Variants in HLF observed in about 807,000 individuals in gnomAD.
HLF encodes hepatic leukemia factor.
A neutral mutation model predicts 22.6 loss-of-function variants in HLF; 3 were observed. The ratio of observed to expected loss-of-function variants is 0.13; its 90% CI spans 0.06 to 0.34. The LOEUF (loss-of-function observed/expected upper bound fraction) is 0.34. Among genes scored for constraint, HLF ranks in the 10% least tolerant of loss-of-function variants. HLF has a pLI of 1.00. For synonymous variants in HLF, 151 were observed against 151.8 expected (o/e 0.99, Z 0.04); for missense variants, 299 against 389.2 (o/e 0.77, Z 1.95).
intron 2 of HLF, among the ~76,000 whole-genome samples, chr17:55,286,268 T>C (rs1007824253): frequency 2.0e-5 from 3 of 152,162 alleles, no homozygotes; most frequent in Non-Finnish European, 2.9e-5. Flanking sequence ...TTTCCCTGAC[T>C]TGTCTATTTT....
intron 2 of HLF, among the ~76,000 whole-genome samples, chr17:55,313,961 T>G (rs1904958861): frequency 6.6e-6 from 1 of 152,196 alleles, no homozygotes; most frequent in South Asian, 2.1e-4. Context: ...AGCCAGTGGC[T>G]TCATGCTTCG....
intron 2 of HLF, among the ~76,000 whole-genome samples, chr17:55,278,805 G>C (rs947411960): frequency 6.6e-6 from 1 of 152,156 alleles, no homozygotes; most frequent in Non-Finnish European, 1.5e-5. Context: ...GACCATGCAG[G>C]CTTTTACTAG....
chr17:55,294,665 G>A (rs1180119027), intron 2 of HLF, among the ~76,000 whole-genome samples: 2 of 152,170 alleles, frequency 1.3e-5, no homozygotes, highest in Non-Finnish European at 2.9e-5. Flanking sequence ...CCAGATGTCA[G>A]GCCGCCTTGT....
At chr17:55,299,009 C>T (rs1335632581) in intron 2 of HLF, among the ~76,000 whole-genome samples, 1 of 152,226 alleles carries the variant, frequency 6.6e-6, no homozygotes, top group Non-Finnish European at 1.5e-5. Context: ...TCTAGTTCTT[C>T]CCATGATACC....
rs202178345 is a variant in HLF, at chr17:55,320,765, G to C, written c.774G>C (p.Ser258=). 3.1e-6 allele frequency: 5 copies of C among 1,613,866 alleles called. No homozygotes were observed. The South Asian group carries it at 4.4e-5, about 14-fold the overall frequency. ...AGAACCAGATCGCCATCCGGGCCTC[G>C]TTCCTGGAGAAGGAGAACTCGGCCC... is the stretch of plus-strand genomic sequence containing the variant. ...LKENQIAIRA[S]FLEKENSALR... Residue 258 remains serine, a synonymous_variant, in exon 4 of 4, where the codon TCG becomes TCC. Transcript: ENST00000226067. The surrounding 1 kb of genome is among the most constrained non-coding windows in gnomAD (Gnocchi z 4.2).
At position 55,275,390 on chromosome 17, in the gene HLF, C is replaced by T. The variant is rs189507940; in HGVS notation, c.451+7304C>T. Among the ~76,000 whole-genome samples, 6 of 152,320 alleles carry T rather than the reference C, an allele frequency of 3.9e-5. No homozygotes were observed. In the East Asian group the frequency reaches 9.7e-4, roughly 25 times the overall value. ...GGATTACAGGTGGAAACCACTGTGCCCTGCCCAAAGAAGTTCTTGATTAGA... is the reference window on the plus strand; with the variant it reads ...GGATTACAGGTGGAAACCACTGTGCTCTGCCCAAAGAAGTTCTTGATTAGA... On this transcript the variant is annotated intron_variant, in intron 2 of 3. Transcript: ENST00000226067.
At chr17:55,307,563 C>A (rs1423776954) in intron 2 of HLF, among the ~76,000 whole-genome samples, 1 of 151,922 alleles carries the variant, frequency 6.6e-6, no homozygotes, top group Non-Finnish European at 1.5e-5. Flanking sequence ...AGTGAAGATC[C>A]TCATTATAGA....
rs1905211892 is a variant in HLF at position 55,320,068 on chromosome 17, G to A, written c.673-596G>A. 6.6e-6 allele frequency among the ~76,000 whole-genome samples: 1 copy of A among 152,174 alleles called. No homozygotes were observed. The highest frequency in any genetic ancestry group is 1.5e-5 in the Non-Finnish European group (1 of 68,046). Reference sequence around the variant, plus strand: ...TGTATGACTGTATCATAACGTGGTTGTTAAATCTCCTATGCATAGTTTTTC... The same window carrying A: ...TGTATGACTGTATCATAACGTGGTTATTAAATCTCCTATGCATAGTTTTTC... On this transcript the variant is annotated intron_variant, in intron 3 of 3. Transcript: ENST00000226067. This position sits in a 1 kb window ranked among gnomAD's most constrained non-coding sequence, Gnocchi z 4.2.
Position 55,320,871 on chromosome 17 carries a change from C to G in HLF, c.880C>G (p.Pro294Ala). Residue 294 changes from proline to alanine, a missense_variant, in exon 4 of 4, where the codon CCC becomes GCC. By Grantham distance (27) the Pro-to-Ala change is conservative. Around this residue, in one of 3 missense-constraint regions of HLF, gnomAD observed 224 missense variants for 298.1 expected, o/e 0.75. Transcript: ENST00000226067. The surrounding 1 kb of genome is among the most constrained non-coding windows in gnomAD (Gnocchi z 4.2). ...ILAKYEARHG[P>A]L ...TGCCAAGTATGAGGCCAGGCACGGG[C>G]CCCTGTAGGATGGCATTTTTGCAGG... 6.2e-7 allele frequency: 1 copy of G among 1,610,638 alleles called. No homozygotes were observed. Among genetic ancestry groups the G allele is most frequent in the Non-Finnish European group, 8.5e-7 (1 of 1,178,852 alleles).
intron 2 of HLF, among the ~76,000 whole-genome samples, chr17:55,301,457 T>C (rs1214832534): frequency 6.6e-6 from 1 of 152,236 alleles, no homozygotes; most frequent in Non-Finnish European, 1.5e-5. Context: ...ATAGAGTTAC[T>C]TAATCTGATA....
chr17:55,288,790 A>G, intron 2 of HLF: 3 of 336,504 alleles, frequency 8.9e-6, no homozygotes, highest in Non-Finnish European at 1.3e-5. Flanking sequence ...AAAAATATTC[A>G]AGAATGAAGA....
chr17:55,293,300 A>T (rs576302115), intron 2 of HLF, among the ~76,000 whole-genome samples: 58 of 152,250 alleles, frequency 3.8e-4, no homozygotes, highest in Admixed American at 1.5e-3. Context: ...GTTATAGGGG[A>T]TGCCGGTGGA....
chr17:55,271,618 C>G (rs2080859393), intron 2 of HLF: 2 of 152,228 alleles, frequency 1.3e-5, no homozygotes, highest in Non-Finnish European at 2.9e-5. Flanking sequence ...CAACCTCCAC[C>G]TCCGGGGTCC....
intron 1 of HLF, 53 bp from the exon 2 acceptor site, chr17:55,267,698 T>A: frequency 7.9e-7 from 1 of 1,267,420 alleles, no homozygotes; most frequent in Non-Finnish European, 1.1e-6. Context: ...AAGAGCGGTA[T>A]TGTTTTTCTT....
chr17:55,271,661 C>T (rs1037888159), intron 2 of HLF: 2 of 152,242 alleles, frequency 1.3e-5, no homozygotes, highest in African/African-American at 2.4e-5. Flanking sequence ...TCTCTAGTAG[C>T]TGGGATTACA....
Position 55,265,545 on chromosome 17 carries a change from G to A in HLF, c.61G>A (p.Val21Met). 2 of 1,610,628 alleles carry A rather than the reference G, an allele frequency of 1.2e-6. No individual in the cohort carries two copies. Among genetic ancestry groups the A allele is most frequent in the Non-Finnish European group, 1.7e-6 (2 of 1,178,540 alleles). Reference protein sequence around the residue: ...NPTFIPPPYGVLRSLLENPLK... With the variant: ...NPTFIPPPYGMLRSLLENPLK... ...CACCTTTATCCCGCCTCCCTACGGC[G>A]TGCTCAGGTCCCTGCTGGAGAACCC... The change falls in exon 1 of 4, where the codon GTG (valine) becomes ATG (methionine). Residue 21 changes from valine to methionine, a missense_variant. By Grantham distance (21) the Val-to-Met change is conservative. This residue lies in a region of HLF where 72 missense variants were observed against 74.0 expected (regional missense o/e 0.97). Transcript: ENST00000226067.
rs1175651317 is a variant in HLF, at chr17:55,273,770, T to C, written c.451+5684T>C. ...TGCTGGCTTGCTTTTTTTTTTTTTT[T>C]TCCCTCCTCCCCCTCGCTTCCCTTC... On this transcript the variant is annotated intron_variant, in intron 2 of 3. Coordinates refer to ENST00000226067, the MANE Select transcript of HLF (RefSeq NM_002126.5). 5 of 151,804 alleles carry C rather than the reference T, an allele frequency of 3.3e-5. 1 individual carries two copies. The highest frequency in any genetic ancestry group is 7.3e-5 in the Non-Finnish European group (5 of 68,116). The allele number at this position is 151,804 out of a possible 1,614,324, so 9.4% of individuals were successfully genotyped here. A position where few individuals can be genotyped will look rare whatever the true frequency, so the allele number is the denominator to read the frequency against.
chr17:55,288,033 G>A (rs551005044), intron 2 of HLF, among the ~76,000 whole-genome samples: 1 of 152,352 alleles, frequency 6.6e-6, no homozygotes, highest in East Asian at 1.9e-4. Context: ...TGGGCCAGAT[G>A]TGAGTCAGGA....
intron 2 of HLF, among the ~76,000 whole-genome samples, chr17:55,306,278 A>G (rs1367113904): frequency 2.0e-5 from 3 of 152,238 alleles, no homozygotes; most frequent in African/African-American, 7.2e-5. Flanking sequence ...CTACCAGCCT[A>G]CAGGACGTCA....
Sources: allele counts gnomAD v4.1 joint callset (sites outside exome capture counted in the v4.1 genomes callset), GRCh38; gene constraint gnomAD v4.1.1; regional missense constraint gnomAD v4.1.1; non-coding constraint Gnocchi (gnomAD v3.1); transcripts MANE v1.5; gene names NCBI Gene and HGNC (gene_info 2026-07-23, HGNC 2026-07-21).